RASGRF2: variants seen among roughly 807,000 people sequenced by gnomAD.
The protein encoded by RASGRF2 is Ras protein specific guanine nucleotide releasing factor 2.
In RASGRF2, 76 loss-of-function variants were observed where a neutral mutation model predicts 151.0. The ratio of observed to expected loss-of-function variants is 0.50; its 90% CI spans 0.42 to 0.61. The LOEUF (loss-of-function observed/expected upper bound fraction) is 0.61, where lower values mean the gene tolerates loss of function less well. Ranked by LOEUF, RASGRF2 falls within the 20% of genes least tolerant of loss-of-function variation. RASGRF2 has a pLI of 0.00. For synonymous variants in RASGRF2, 504 were observed against 566.5 expected, an observed-to-expected ratio of 0.89 and a Z score of 1.57; for missense variants, 1,148 against 1,564.6, an observed-to-expected ratio of 0.73 and a Z score of 4.49.
chr5:81,080,162 T>G lies in RASGRF2; in HGVS notation c.929T>G (p.Leu310Arg). 2 of 1,599,846 alleles carry G rather than the reference T, an allele frequency of 1.3e-6. No individual in the cohort carries two copies. The highest frequency in any genetic ancestry group is 1.7e-6 in the Non-Finnish European group (2 of 1,176,986). ...MFLHEIFHQG[L>R]KARIANWPTL... ...CTTCATGAAATATTTCATCAAGGAC[T>G]AAAGGCAAGGATAGCAAACTGGCCC... is the stretch of plus-strand genomic sequence containing the variant. The change falls in exon 6 of 27, where the codon CTA (leucine) becomes CGA (arginine). Residue 310 changes from leucine (L) to arginine (R), a missense_variant. Coordinates refer to ENST00000265080, the MANE Select transcript of RASGRF2 (RefSeq NM_006909.3).
intron 20 of RASGRF2, 114 bp downstream of exon 20, chr5:81,207,019 T>C: frequency 3.3e-6 from 3 of 910,072 alleles, no homozygotes; most frequent in Non-Finnish European, 5.3e-6. Context: ...CTCTGTCCTA[T>C]CTGTGAAGCT....
chr5:81,190,885 C>T (rs1372734540), intron 18 of RASGRF2, among the ~76,000 whole-genome samples: 1 of 152,186 alleles, frequency 6.6e-6, no homozygotes, highest in Non-Finnish European at 1.5e-5. Context: ...TAGTGGGATT[C>T]CTTAACCTTT....
chr5:81,094,826 A>G (rs750625436), intron 11 of RASGRF2, 30 bp from the exon 12 acceptor site: 71 of 1,563,700 alleles, frequency 4.5e-5, no homozygotes, highest in Admixed American at 1.2e-4. Context: ...TTGTATTCTC[A>G]TCTAATTGTT....
intron 1 of RASGRF2, among the ~76,000 whole-genome samples, chr5:81,002,514 T>C (rs1290103194): frequency 2.0e-5 from 3 of 152,186 alleles, no homozygotes; most frequent in African/African-American, 7.2e-5. Context: ...TTTCTGTGAC[T>C]CAGAAAACAT....
intron 18 of RASGRF2, among the ~76,000 whole-genome samples, chr5:81,180,525 G>A (rs1754890314): frequency 6.6e-6 from 1 of 152,086 alleles, no homozygotes; most frequent in South Asian, 2.1e-4. Flanking sequence ...CTCTGTCCCT[G>A]CAGCTTCTGA....
intron 1 of RASGRF2, among the ~76,000 whole-genome samples, chr5:81,028,360 C>CATAAATTTTAATTTGCATTTAAA (rs1750113958): frequency 2.6e-5 from 1 of 38,940 alleles, no homozygotes; most frequent in Non-Finnish European, 5.6e-5. Context: ...TTGCATTTCA[C>CATAAATTTTAATTTGCATTTAAA]TGAGAAAAAT....
chr5:81,164,655 A>G (rs1482334668), intron 17 of RASGRF2, among the ~76,000 whole-genome samples: 2 of 152,218 alleles, frequency 1.3e-5, no homozygotes, highest in African/African-American at 4.8e-5. Context: ...GTTTTCAAAA[A>G]GGACTTTGTC....
At chr5:80,999,406 G>A (rs758054893) in intron 1 of RASGRF2, among the ~76,000 whole-genome samples, 17 of 152,054 alleles carry the variant, frequency 1.1e-4, no homozygotes, top group South Asian at 2.1e-4. Context: ...GCAGTGCTGC[G>A]ATCATAGCTC....
rs554557881 is a variant in RASGRF2 at position 81,138,010 on chromosome 5, A to C, written c.2686+10847A>C. On this transcript the variant is annotated intron_variant, in intron 17 of 26. Coordinates refer to ENST00000265080, the MANE Select transcript of RASGRF2 (RefSeq NM_006909.3). ...GCCGTGCTTGATGTTTGCTGTAGCT[A>C]TAGGAACCAAGGGCTTCAAATTCCT... is the stretch of plus-strand genomic sequence containing the variant. Among the ~76,000 whole-genome samples the C allele has an allele frequency of 2.6e-5, 4 of 152,236 alleles. No individual in the cohort carries two copies. The East Asian group carries it at 7.7e-4, about 29-fold the overall frequency.
At chr5:81,140,646 A>G (rs894895239) in intron 17 of RASGRF2, among the ~76,000 whole-genome samples, 1 of 152,158 alleles carries the variant, frequency 6.6e-6, no homozygotes, top group East Asian at 1.9e-4. Context: ...GTGCTTTCCA[A>G]GCAGACCCAA....
chr5:81,024,929 G>A (rs987124749), intron 1 of RASGRF2, among the ~76,000 whole-genome samples: 15 of 152,198 alleles, frequency 9.9e-5, no homozygotes, highest in Non-Finnish European at 7.3e-5. Flanking sequence ...GGCCGATGCC[G>A]GCTGCTGGGT....
chr5:81,062,184 A>G (rs1170277637), intron 2 of RASGRF2, among the ~76,000 whole-genome samples: 1 of 152,024 alleles, frequency 6.6e-6, no homozygotes, highest in Non-Finnish European at 1.5e-5. Context: ...TTTGTTTATT[A>G]CATTGTGTGA....
intron 2 of RASGRF2, among the ~76,000 whole-genome samples, chr5:81,045,377 A>G (rs1328007980): frequency 6.6e-6 from 1 of 152,226 alleles, no homozygotes; most frequent in Non-Finnish European, 1.5e-5. Flanking sequence ...AATTGCTTTA[A>G]AGATGATTAG....
At chr5:81,197,966 C>G (rs1716524544) in intron 18 of RASGRF2, among the ~76,000 whole-genome samples, 2 of 151,774 alleles carry the variant, frequency 1.3e-5, no homozygotes, top group Admixed American at 6.6e-5. Flanking sequence ...CTTTTTTTCC[C>G]AACATTTACC....
intron 17 of RASGRF2, among the ~76,000 whole-genome samples, chr5:81,159,523 A>C (rs1019360038): frequency 6.6e-6 from 1 of 152,260 alleles, no homozygotes; most frequent in Admixed American, 6.5e-5. Context: ...CAGTAAATCT[A>C]TAAAGACAGA....
chr5:81,206,190 C>T (rs6865596), intron 19 of RASGRF2, among the ~76,000 whole-genome samples: 50,450 of 152,058 alleles, frequency 0.33, 8,725 homozygotes, highest in Middle Eastern at 0.48. Context: ...TTTATTCATT[C>T]ACTCATTCAT....
intron 13 of RASGRF2, among the ~76,000 whole-genome samples, chr5:81,111,803 T>C (rs1444318743): frequency 2.0e-5 from 3 of 152,090 alleles, no homozygotes; most frequent in Non-Finnish European, 4.4e-5. Context: ...TCCATCAGTT[T>C]AATCCGAAAA....
chr5:81,196,920 C>A (rs566770098), intron 18 of RASGRF2, among the ~76,000 whole-genome samples: 52 of 152,244 alleles, frequency 3.4e-4, no homozygotes, highest in African/African-American at 1.2e-3. Flanking sequence ...TACAAACATC[C>A]CTTTACCTTG....
intron 22 of RASGRF2, among the ~76,000 whole-genome samples, chr5:81,209,817 C>A (rs1428698908): frequency 1.3e-5 from 2 of 152,168 alleles, no homozygotes; most frequent in East Asian, 3.8e-4. Flanking sequence ...ACAGATGGAA[C>A]CTTTCATCTG....
Sources: gnomAD v4.1 joint callset for allele counts (sites outside exome capture counted in the v4.1 genomes callset) on GRCh38, gnomAD v4.1.1 for gene constraint, MANE v1.5 for transcripts, NCBI Gene and HGNC (gene_info 2026-07-23, HGNC 2026-07-21) for gene names.